Variants in TTN observed in about 807,000 individuals in gnomAD.
TTN encodes the protein connectin.
Under a neutral mutation model 3,223.0 loss-of-function variants are expected in TTN, and 1,525 were observed. The observed-to-expected ratio is 0.47, with a 90% CI of 0.45 to 0.49. The LOEUF is 0.49. Among genes scored for constraint, TTN ranks in the 20% least tolerant of loss-of-function variants. The pLI is 0.00. For synonymous variants in TTN, 14,094 were observed against 15,161.0 expected (o/e 0.93, Z 5.17); for missense variants, 40,786 against 43,424.0 (o/e 0.94, Z 5.40).
chr2:178,769,604 G>C (rs1410470357), intron 37 of TTN, 75 bp downstream of exon 37: 2 of 1,267,940 alleles, frequency 1.6e-6, no homozygotes, highest in East Asian at 2.7e-5. Context: ...GTAGGATATA[G>C]AATATCAATG....
In TTN at chr2:178,675,117, G is replaced by A; in HGVS notation, c.34538-4C>T. The A allele has an allele frequency of 1.3e-6, 2 of 1,548,564 alleles. No individual in the cohort carries two copies. The highest frequency in any genetic ancestry group is 1.7e-6 in the Non-Finnish European group (2 of 1,152,414). On this transcript the variant is annotated splice_region_variant and splice_polypyrimidine_tract_variant and intron_variant, in intron 149 of 362. Coordinates refer to ENST00000589042, the MANE Select transcript of TTN (RefSeq NM_001267550.2). ...ACCTTCTTAGGCACCTCAGGAACTT[G>A]AGAGACATTGATTATTTTAGACACT... is the stretch of plus-strand genomic sequence containing the variant.
chr2:178,530,993 CTTCACTGTT>C lies in TTN; in HGVS notation c.105613_105621del (p.Asn35205_Glu35207del), dbSNP rs760682249. On this transcript the variant is annotated inframe_deletion, in exon 358 of 363. Coordinates refer to ENST00000589042, the MANE Select transcript of TTN (RefSeq NM_001267550.2). ...AGAGTGAACTCTGCTTCTTGTTTCC[CTTCACTGTT>C]TTCTACCACCACGCTGTAATTGCCC... The C allele has an allele frequency of 6.2e-7, 1 of 1,613,922 alleles. No homozygotes were observed. Among genetic ancestry groups the C allele is most frequent in the East Asian group, 2.2e-5 (1 of 44,882 alleles).
At position 178,533,473 on chromosome 2, in the gene TTN, C is replaced by A. The variant is rs1357763703; in HGVS notation, c.103142G>T (p.Cys34381Phe). 2 of 1,613,404 alleles carry A rather than the reference C, an allele frequency of 1.2e-6. No homozygotes were observed. Among genetic ancestry groups the A allele is most frequent in the South Asian group, 2.2e-5 (2 of 91,078 alleles). The change falls in exon 358 of 363, where the codon TGC becomes TTC. Residue 34381 changes from cysteine to phenylalanine, a missense_variant. Cys to Phe is a radical substitution (Grantham distance 205). Coordinates refer to ENST00000589042, the MANE Select transcript of TTN (RefSeq NM_001267550.2). The stretch of plus-strand genomic sequence containing the variant: ...GATGCCAGACACTCTGATCTCAAAG[C>A]AGACACTTTGGCCTTCTTGGCATTC... The part of the protein sequence containing the change: ...NAECQEGQSV[C>F]FEIRVSGIPP...
chr2:178,602,111 C>G lies in TTN; in HGVS notation c.55160G>C (p.Cys18387Ser). 6.2e-7 allele frequency: 1 copy of G among 1,611,420 alleles called. No homozygotes were observed. The highest frequency in any genetic ancestry group is 8.5e-7 in the Non-Finnish European group (1 of 1,178,556). ...CTGTGAGCCAGCTTTACAAACCAGA[C>G]AGTCCTGTGCTCCAATGTCAATGAA... is the stretch of plus-strand genomic sequence containing the variant. ...EVFIDIGAQD[C>S]LVCKAGSQIR... Residue 18387 changes from cysteine (C) to serine (S), a missense_variant, in exon 284 of 363, where the codon TGT becomes TCT. Coordinates refer to ENST00000589042, the MANE Select transcript of TTN (RefSeq NM_001267550.2).
At chr2:178,683,057 C>T (rs1225806383) in intron 134 of TTN, among the ~76,000 whole-genome samples, 154 bp from the exon 135 acceptor site, 5 of 151,900 alleles carry the variant, frequency 3.3e-5, no homozygotes, top group African/African-American at 1.2e-4. Flanking sequence ...GTCAAGGTAT[C>T]ATAGAGTATA....
intron 159 of TTN, 141 bp downstream of exon 159, chr2:178,669,232 A>C (rs2066529121): frequency 3.1e-6 from 2 of 651,232 alleles, no homozygotes; most frequent in Non-Finnish European, 5.1e-6. Context: ...AGACACTAAG[A>C]TTATTTGAGT....
At chr2:178,582,731 G>T in intron 313 of TTN, 139 bp from the exon 314 acceptor site, 2 of 984,756 alleles carry the variant, frequency 2.0e-6, no homozygotes, top group Non-Finnish European at 2.8e-6. Flanking sequence ...TAGAATCTTA[G>T]TTTCTTCACT....
chr2:178,607,581 T>A lies in TTN; in HGVS notation c.53107A>T (p.Thr17703Ser). The A allele has an allele frequency of 6.2e-7, 1 of 1,613,218 alleles. No individual in the cohort carries two copies. The highest frequency in any genetic ancestry group is 2.2e-5 in the East Asian group (1 of 44,800). Residue 17703 changes from threonine to serine, a missense_variant, in exon 277 of 363, where the codon ACA (threonine) becomes TCA (serine). Coordinates refer to ENST00000589042, the MANE Select transcript of TTN (RefSeq NM_001267550.2). ...PAVVTGRPVP[T>S]KVWTKEEGEL... is the part of the protein sequence containing the mutation. Reference sequence around the variant, plus strand: ...CCTTCTTCTTTGGTCCATACTTTTGTAGGTACAGGGCGACCAGTCACCACA... The same window carrying A: ...CCTTCTTCTTTGGTCCATACTTTTGAAGGTACAGGGCGACCAGTCACCACA...
chr2:178,592,934 T>G lies in TTN; in HGVS notation c.59185A>C (p.Arg19729=), dbSNP rs1411662599. 1 of 1,613,418 alleles carries G rather than the reference T, an allele frequency of 6.2e-7. No homozygotes were observed. Among genetic ancestry groups the G allele is most frequent in the African/African-American group, 1.3e-5 (1 of 74,886 alleles). ...CATGACTCAGGGGTGTGATTGGCTC[T>G]TCTCCACTCTTCATCTCCAACTTTC... ...YQKVGDEEWR[R]ANHTPESCPE... The change falls in exon 300 of 363, where the codon AGA becomes CGA. Residue 19729 remains arginine (R), a synonymous_variant. Transcript: ENST00000589042.
At position 178,557,145 on chromosome 2, in the gene TTN, C is replaced by CT. The variant is rs1701799962; in HGVS notation, c.88010-2dup. 2 of 1,613,366 alleles carry CT rather than the reference C, an allele frequency of 1.2e-6. No individual in the cohort carries two copies. The highest frequency in any genetic ancestry group is 1.7e-6 in the Non-Finnish European group (2 of 1,179,698). Reference sequence around the variant, plus strand: ...GTGATACGAACATTTCTTGGGGGTTCTGTGGTAATAAGAGAAGCAGATTAG... The same window carrying CT: ...GTGATACGAACATTTCTTGGGGGTTCTTGTGGTAATAAGAGAAGCAGATTAG... On this transcript the variant is annotated splice_acceptor_variant, in intron 329 of 362. Coordinates refer to ENST00000589042, the MANE Select transcript of TTN (RefSeq NM_001267550.2). LOFTEE classifies it high-confidence loss of function.
chr2:178,733,265 G>A lies in TTN; in HGVS notation c.16028C>T (p.Ser5343Phe), dbSNP rs369132752. The change falls in exon 54 of 363, where the codon TCC becomes TTC. Residue 5343 changes from serine to phenylalanine, a missense_variant. Ser to Phe is a radical substitution (Grantham distance 155). Transcript: ENST00000589042. The part of the protein sequence containing the change: ...FEISNEVGSS[S>F]CETTFTVLDR... The stretch of plus-strand genomic sequence containing the variant: ...TAATACAGTGAATGTAGTCTCACAG[G>A]AGCTGCTGCCCACTTCATTGGAAAT... The A allele has an allele frequency of 8.7e-6, 14 of 1,607,886 alleles. No individual in the cohort carries two copies. The East Asian group carries it at 3.1e-4, about 36-fold the overall frequency.
chr2:178,551,409 T>C (rs937646314), intron 335 of TTN, 149 bp from the exon 336 acceptor site: 7 of 734,262 alleles, frequency 9.5e-6, no homozygotes, highest in Non-Finnish European at 1.4e-5. Context: ...AAACTCATAT[T>C]GGTCATTAAT....
intron 47 of TTN, among the ~76,000 whole-genome samples, chr2:178,742,499 T>A (rs987122651): frequency 1.3e-5 from 2 of 152,188 alleles, no homozygotes; most frequent in Admixed American, 1.3e-4. Flanking sequence ...CTTTCATCTA[T>A]GTAAATCACC....
chr2:178,704,014 G>A, intron 106 of TTN, 133 bp downstream of exon 106: 1 of 1,152,860 alleles, frequency 8.7e-7, no homozygotes, highest in Non-Finnish European at 1.2e-6. Flanking sequence ...TGAATACTAT[G>A]AGAACGTGTG....
At chr2:178,806,844 T>C (rs1464843484) in intron 1 of TTN, among the ~76,000 whole-genome samples, 4 of 152,244 alleles carry the variant, frequency 2.6e-5, no homozygotes, top group African/African-American at 9.6e-5. Flanking sequence ...GAGCTATTCT[T>C]GGTGTGCTTA....
rs199501185 is a variant in TTN, at chr2:178,558,074, C to T, written c.87280G>A (p.Glu29094Lys). ...ATGGTCAGGTTCTCAGCAGTAATTT[C>T]GGTATTAAATCTCATGGTTGCCTTA... ...PLKATMRFNTEITAENLTINL... is the reference protein window; with the variant it reads ...PLKATMRFNTKITAENLTINL... The change falls in exon 328 of 363, where the codon GAA (glutamate) becomes AAA (lysine). Residue 29094 changes from glutamate (E) to lysine (K), a missense_variant. Glu to Lys is a moderately conservative substitution (Grantham distance 56, BLOSUM62 1). Coordinates refer to ENST00000589042, the MANE Select transcript of TTN (RefSeq NM_001267550.2). The T allele has an allele frequency of 1.4e-4, 231 of 1,613,736 alleles. No homozygotes were observed. Among genetic ancestry groups the T allele is most frequent in the Non-Finnish European group, 1.8e-4 (208 of 1,179,844 alleles).
intron 4 of TTN, 142 bp downstream of exon 4, chr2:178,800,253 A>G: frequency 4.6e-6 from 5 of 1,084,178 alleles, no homozygotes; most frequent in Non-Finnish European, 6.7e-6. Context: ...GGGACTTTTC[A>G]TGGGTGTCGA....
rs1244277868 is a variant in TTN at position 178,602,436 on chromosome 2, T to G, written c.54966A>C (p.Val18322=). 6 of 1,612,732 alleles carry G rather than the reference T, an allele frequency of 3.7e-6. 1 individual carries two copies. In the South Asian group the frequency reaches 6.6e-5, roughly 18 times the overall value. ...QEEGTTDWKR[V]NEPDKLITTC... Reference sequence around the variant, plus strand: ...TAGTTATAAGTTTGTCTGGTTCATTTACTCTTTTCCAGTCAGTAGTACCTT... The same window carrying G: ...TAGTTATAAGTTTGTCTGGTTCATTGACTCTTTTCCAGTCAGTAGTACCTT... The change falls in exon 283 of 363, where the codon GTA becomes GTC. Residue 18322 remains valine, a synonymous_variant. Transcript: ENST00000589042.
intron 133 of TTN, 67 bp downstream of exon 133, chr2:178,683,932 C>A: frequency 8.3e-7 from 1 of 1,210,842 alleles, no homozygotes; most frequent in Non-Finnish European, 1.1e-6. Flanking sequence ...GAACCTATTC[C>A]ACTAGATTAG....
Sources: allele counts gnomAD v4.1 joint callset (sites outside exome capture counted in the v4.1 genomes callset), GRCh38; gene constraint gnomAD v4.1.1; transcripts MANE v1.5; gene names NCBI Gene and HGNC (gene_info 2026-07-23, HGNC 2026-07-21).